Variants in BLVRB observed in about 807,000 individuals in gnomAD.
The protein encoded by BLVRB is flavin reductase (NADPH).
In BLVRB, 25 loss-of-function variants were observed where a neutral mutation model predicts 21.1. That is an observed-to-expected ratio of 1.19 (90% CI 0.86 to 1.66). The LOEUF (loss-of-function observed/expected upper bound fraction) is 1.66. BLVRB is among the 40% of genes most tolerant of loss of function. The pLI, the probability that BLVRB is intolerant of heterozygous loss-of-function variation, is 0.00. For missense variants in BLVRB, 274 were observed against 282.7 expected (o/e 0.97, Z 0.22); for synonymous variants, 128 against 122.2 (o/e 1.05, Z -0.31).
rs139869974 is a variant in BLVRB at position 40,452,844 on chromosome 19, G to A, written c.335-1352C>T. 1.7e-3 allele frequency among the ~76,000 whole-genome samples: 250 copies of A among 150,530 alleles called. 2 individuals are homozygous for A. The highest frequency in any genetic ancestry group is 5.7e-3 in the African/African-American group (232 of 40,758). On this transcript the variant is annotated intron_variant, in intron 3 of 4. Transcript: ENST00000263368. ...CGCGCCACGGCACTCCAGCTTGGGA[G>A]ACAGAGCAAGACTCCATCTCAAAAA...
chr19:40,448,608 AATATATAT>A (rs55783717), intron 4 of BLVRB, among the ~76,000 whole-genome samples: 122 of 126,360 alleles, frequency 9.7e-4, no homozygotes, highest in African/African-American at 2.8e-3. Context: ...AACAACAACA[AATATATAT>A]ATATATATAT....
intron 3 of BLVRB, 50 bp from the exon 4 acceptor site, chr19:40,451,542 T>C: frequency 2.7e-6 from 4 of 1,484,922 alleles, no homozygotes; most frequent in Non-Finnish European, 3.6e-6. Context: ...GTCTTTTTTT[T>C]TTTTTTTTTG....
intron 3 of BLVRB, among the ~76,000 whole-genome samples, chr19:40,452,144 C>A (rs1212697664): frequency 6.6e-6 from 1 of 152,112 alleles, no homozygotes; most frequent in Non-Finnish European, 1.5e-5. Flanking sequence ...AGGGTAGAAG[C>A]AAAGTCCCCA....
chr19:40,448,475 C>G (rs1204180316), intron 4 of BLVRB, among the ~76,000 whole-genome samples: 1 of 151,772 alleles, frequency 6.6e-6, no homozygotes, highest in Non-Finnish European at 1.5e-5. Context: ...CCTGTAGTCC[C>G]AACTACTCAG....
At chr19:40,451,282 G>T in intron 4 of BLVRB, 82 bp downstream of exon 4, 1 of 1,546,956 alleles carries the variant, frequency 6.5e-7, no homozygotes, top group Non-Finnish European at 8.7e-7. Flanking sequence ...AGGGTGGTCA[G>T]GGAAGGCCTT....
chr19:40,460,992 AAAAC>A (rs764444911), intron 1 of BLVRB, among the ~76,000 whole-genome samples: 50 of 149,164 alleles, frequency 3.4e-4, no homozygotes, highest in Non-Finnish European at 7.0e-4. Context: ...AAAACAAAAC[AAAAC>A]AAACAACAAC....
intron 1 of BLVRB, among the ~76,000 whole-genome samples, chr19:40,462,723 T>C (rs62106993): frequency 0.61 from 90,197 of 148,032 alleles, 29,389 homozygotes; most frequent in African/African-American, 0.85. Context: ...AACCCCATCT[T>C]TACTAAAAAT....
intron 1 of BLVRB, among the ~76,000 whole-genome samples, chr19:40,464,234 C>T (rs552542668): frequency 6.6e-6 from 1 of 151,976 alleles, no homozygotes; most frequent in East Asian, 1.9e-4. Flanking sequence ...TACAGGCATG[C>T]ATCACCACGC....
chr19:40,456,419 T>A (rs1429080470), intron 3 of BLVRB, among the ~76,000 whole-genome samples: 12 of 149,802 alleles, frequency 8.0e-5, no homozygotes, highest in Admixed American at 6.7e-4. Context: ...CGAGACCTTG[T>A]CTCTATGTTT....
chr19:40,458,463 A>G lies in BLVRB; in HGVS notation c.162T>C (p.Asp54=). 2 of 1,604,438 alleles carry G rather than the reference A, an allele frequency of 1.2e-6. No individual in the cohort carries two copies. Among genetic ancestry groups the G allele is most frequent in the Middle Eastern group, 1.7e-4 (1 of 6,052 alleles). The change falls in exon 2 of 5, where the codon GAT becomes GAC. Residue 54 remains aspartate (D), a synonymous_variant. Coordinates refer to ENST00000263368, the MANE Select transcript of BLVRB (RefSeq NM_000713.3). ...TGTCCACATCGGCTGCCTGCAGAACATCTCCCACTACCACGTGGGCCGGCC... is the reference window on the plus strand; with the variant it reads ...TGTCCACATCGGCTGCCTGCAGAACGTCTCCCACTACCACGTGGGCCGGCC... The part of the protein sequence containing the change: ...GPRPAHVVVG[D]VLQAADVDKT...
chr19:40,455,634 G>A (rs547879849), intron 3 of BLVRB, among the ~76,000 whole-genome samples: 1 of 152,316 alleles, frequency 6.6e-6, no homozygotes, highest in African/African-American at 2.4e-5. Flanking sequence ...GGAGGTGGAT[G>A]TTGCAGTGAG....
intron 3 of BLVRB, among the ~76,000 whole-genome samples, chr19:40,455,017 ATT>A (rs35566164): frequency 6.7e-6 from 1 of 148,242 alleles, no homozygotes; most frequent in African/African-American, 2.5e-5. Flanking sequence ...AATTTTTTGT[ATT>A]TTTTTTTTGT....
intron 3 of BLVRB, among the ~76,000 whole-genome samples, chr19:40,451,834 A>T (rs187507038): frequency 6.6e-6 from 1 of 152,264 alleles, no homozygotes; most frequent in Non-Finnish European, 1.5e-5. Flanking sequence ...TGCCCAGCCA[A>T]GGGCTCGCTT....
At chr19:40,460,706 C>T (rs2079783481) in intron 1 of BLVRB, among the ~76,000 whole-genome samples, 1 of 152,110 alleles carries the variant, frequency 6.6e-6, no homozygotes, top group South Asian at 2.1e-4. Context: ...GGCGCGATGG[C>T]TCACGCCTGT....
At chr19:40,465,356 T>TA (rs966936457) in intron 1 of BLVRB, among the ~76,000 whole-genome samples, 87 of 152,330 alleles carry the variant, frequency 5.7e-4, no homozygotes, top group African/African-American at 2.0e-3. Context: ...GCCCTGGACT[T>TA]ACACACGACT....
intron 3 of BLVRB, among the ~76,000 whole-genome samples, chr19:40,453,483 A>G (rs1476794263): frequency 6.6e-6 from 1 of 152,114 alleles, no homozygotes; most frequent in Non-Finnish European, 1.5e-5. Context: ...TACTTACTAA[A>G]TATTTGTTCA....
chr19:40,448,608 A>ATAACAACAACAAAT (rs1249673226), intron 4 of BLVRB, among the ~76,000 whole-genome samples: 85 of 126,354 alleles, frequency 6.7e-4, no homozygotes, highest in South Asian at 4.9e-3. Context: ...AACAACAACA[A>ATAACAACAACAAAT]ATATATATAT....
At chr19:40,462,754 A>T (rs753947265) in intron 1 of BLVRB, among the ~76,000 whole-genome samples, 1 of 150,732 alleles carries the variant, frequency 6.6e-6, no homozygotes, top group Non-Finnish European at 1.5e-5. Flanking sequence ...TTAGCTGGGC[A>T]TGGTGGCAGG....
chr19:40,449,277 G>C (rs2079728437), intron 4 of BLVRB, among the ~76,000 whole-genome samples: 1 of 151,202 alleles, frequency 6.6e-6, no homozygotes, highest in Non-Finnish European at 1.5e-5. Context: ...ATAGAGTCTT[G>C]CTCTGTCACC....
Sources: gnomAD v4.1 joint callset for allele counts (sites outside exome capture counted in the v4.1 genomes callset) on GRCh38, gnomAD v4.1.1 for gene constraint, MANE v1.5 for transcripts, NCBI Gene and HGNC (gene_info 2026-07-23, HGNC 2026-07-21) for gene names.